L2HGDH: variants seen among roughly 807,000 people sequenced by gnomAD.
L2HGDH encodes the protein L-2-hydroxyglutarate dehydrogenase.
Under a neutral mutation model 51.5 loss-of-function variants are expected in L2HGDH, and 34 were observed. That is an observed-to-expected ratio of 0.66 (90% CI 0.50 to 0.88). The LOEUF is 0.88. L2HGDH is among the 40% of genes least tolerant of loss of function. The pLI is 0.00. For missense variants in L2HGDH, 558 were observed against 571.9 expected (o/e 0.98, Z 0.25); for synonymous variants, 198 against 197.9 (o/e 1.00, Z -0.01).
At chr14:50,295,062 C>T (rs2029952532) in intron 3 of L2HGDH, among the ~76,000 whole-genome samples, 2 of 152,090 alleles carry the variant, frequency 1.3e-5, no homozygotes, top group African/African-American at 4.8e-5. Flanking sequence ...AAAGACAACC[C>T]ACACAATGAG....
In L2HGDH at chr14:50,282,793, G is replaced by A. The variant is rs544911717; in HGVS notation, c.703+1078C>T. Among the ~76,000 whole-genome samples, 4 of 152,150 alleles carry A rather than the reference G, an allele frequency of 2.6e-5. 1 individual carries two copies. The South Asian group carries it at 6.2e-4, about 24-fold the overall frequency. ...ACAGTGGCTCACGCCCGTAATTCTA[G>A]CACTTTGGGAGGTCAAGTGGGCAGA... On this transcript the variant is annotated intron_variant, in intron 5 of 9. Transcript: ENST00000267436.
chr14:50,303,293 G>A (rs1049149030), intron 1 of L2HGDH, among the ~76,000 whole-genome samples: 4 of 151,672 alleles, frequency 2.6e-5, no homozygotes, highest in African/African-American at 9.7e-5. Flanking sequence ...GTGGTGGCGC[G>A]TGCCTGTAGT....
At chr14:50,273,033 C>T (rs190295566) in intron 6 of L2HGDH, among the ~76,000 whole-genome samples, 1 of 152,256 alleles carries the variant, frequency 6.6e-6, no homozygotes, top group East Asian at 1.9e-4. Flanking sequence ...CTGAACATCA[C>T]ACCTAGCTGT....
intron 6 of L2HGDH, among the ~76,000 whole-genome samples, chr14:50,275,536 A>G (rs961528551): frequency 2.0e-5 from 3 of 152,254 alleles, no homozygotes; most frequent in Non-Finnish European, 2.9e-5. Context: ...ACTTCTGATC[A>G]GTGAACTTAT....
intron 5 of L2HGDH, among the ~76,000 whole-genome samples, chr14:50,281,185 G>C (rs1890249829): frequency 6.6e-6 from 1 of 152,156 alleles, no homozygotes; most frequent in African/African-American, 2.4e-5. Flanking sequence ...TTCCTTAGGA[G>C]TGGTAAAGTC....
intron 9 of L2HGDH, among the ~76,000 whole-genome samples, chr14:50,252,850 C>A (rs1190389155): frequency 6.6e-6 from 1 of 152,032 alleles, no homozygotes; most frequent in Non-Finnish European, 1.5e-5. Context: ...GACTTAAACA[C>A]CCCACTTTCA....
chr14:50,288,290 T>C (rs1004497492), intron 4 of L2HGDH, among the ~76,000 whole-genome samples: 8 of 152,224 alleles, frequency 5.3e-5, no homozygotes, highest in Admixed American at 2.6e-4. Flanking sequence ...TTGTTTTGCA[T>C]TGAGCTTCTG....
intron 9 of L2HGDH, among the ~76,000 whole-genome samples, chr14:50,251,325 A>G (rs1238734669): frequency 6.6e-6 from 1 of 152,134 alleles, no homozygotes; most frequent in South Asian, 2.1e-4. Context: ...TAGTCAGATG[A>G]GACAAAAGAA....
At chr14:50,257,176 T>A (rs1174470340) in intron 9 of L2HGDH, among the ~76,000 whole-genome samples, 1 of 152,092 alleles carries the variant, frequency 6.6e-6, no homozygotes, top group Non-Finnish European at 1.5e-5. Flanking sequence ...TAATCCACCC[T>A]CCATGGCCTG....
At chr14:50,289,894 T>C (rs1048739951) in intron 4 of L2HGDH, among the ~76,000 whole-genome samples, 2 of 152,192 alleles carry the variant, frequency 1.3e-5, no homozygotes, top group South Asian at 2.1e-4. Context: ...ATTATACTGC[T>C]CACCTTATGC....
At chr14:50,265,853 G>A (rs1358568157) in intron 8 of L2HGDH, among the ~76,000 whole-genome samples, 2 of 152,166 alleles carry the variant, frequency 1.3e-5, no homozygotes, top group African/African-American at 2.4e-5. Flanking sequence ...GGCAGAGGTT[G>A]CAGTGAGCTG....
In L2HGDH at chr14:50,250,192, G is replaced by A. The variant is rs939975703; in HGVS notation, c.1197-2939C>T. Reference sequence around the variant, plus strand: ...GTTGGGATTACAGGCATGAGCCACCGTGTCTGGCCCAGGCCAACACTCTTG... The same window carrying A: ...GTTGGGATTACAGGCATGAGCCACCATGTCTGGCCCAGGCCAACACTCTTG... On this transcript the variant is annotated intron_variant, in intron 9 of 9. Transcript: ENST00000267436. 1.3e-5 allele frequency among the ~76,000 whole-genome samples: 2 copies of A among 152,312 alleles called. 1 individual carries two copies. Among genetic ancestry groups the A allele is most frequent in the South Asian group, 4.1e-4 (2 of 4,830 alleles).
chr14:50,262,323 GGGAGGC>G (rs1250636868), intron 9 of L2HGDH, among the ~76,000 whole-genome samples: 1 of 151,548 alleles, frequency 6.6e-6, no homozygotes, highest in Non-Finnish European at 1.5e-5. Context: ...CCAGCTACTC[GGGAGGC>G]TGAGGCAGGA....
Position 50,305,409 on chromosome 14 carries a change from A to C in L2HGDH, c.141-2392T>G, listed in dbSNP as rs142206509. On this transcript the variant is annotated intron_variant, in intron 1 of 9. Coordinates refer to ENST00000267436, the MANE Select transcript of L2HGDH (RefSeq NM_024884.3). The stretch of plus-strand genomic sequence containing the variant: ...AATGCCTACAGTGGTCAACTAAAAA[A>C]TTACTAATGTGATCAGAATGTATTT... Among the ~76,000 whole-genome samples the C allele has an allele frequency of 2.4e-4, 36 of 152,364 alleles. No homozygotes were observed. In the East Asian group the frequency reaches 6.2e-3, roughly 26 times the overall value.
Position 50,244,299 on chromosome 14 carries a change from A to G in L2HGDH, c.*2759T>C. ...GTTGAACTAGTTTACAGTCCCACCA[A>G]CAGTGTAAAAGTGTTCCTATTTCTC... is the stretch of plus-strand genomic sequence containing the variant. On this transcript the variant is annotated 3_prime_UTR_variant, in exon 10 of 10. Transcript: ENST00000267436. The G allele has an allele frequency of 1.5e-6, 1 of 676,178 alleles. No individual in the cohort carries two copies. The highest frequency in any genetic ancestry group is 1.8e-6 in the Non-Finnish European group (1 of 547,786). 41.9% of individuals were successfully genotyped at this position (676,178 alleles called of 1,614,324 possible).
intron 5 of L2HGDH, among the ~76,000 whole-genome samples, chr14:50,280,752 G>A (rs140507904): frequency 0.014 from 2,149 of 152,068 alleles, 48 homozygotes; most frequent in African/African-American, 0.049. Context: ...GAGCTCAAGC[G>A]CTCCACCCAC....
At position 50,312,147 on chromosome 14, in the gene L2HGDH, C is replaced by T. The variant is rs757418513; in HGVS notation, c.4G>A (p.Val2Met). Residue 2 changes from valine to methionine, a missense_variant, in exon 1 of 10, where the codon GTG becomes ATG. Around this residue, in one of 3 missense-constraint regions of L2HGDH, gnomAD observed 194 missense variants for 187.2 expected, o/e 1.04. Transcript: ENST00000267436. ...CCAACCAAATAACGCAGCGCTGGCA[C>T]CATCCCCTACGCACGCTCCCCTCCC... Reference protein sequence around the residue: MVPALRYLVGAC... With the variant: MMPALRYLVGAC... 1 of 1,610,046 alleles carries T rather than the reference C, an allele frequency of 6.2e-7. No individual in the cohort carries two copies. Among genetic ancestry groups the T allele is most frequent in the Non-Finnish European group, 8.5e-7 (1 of 1,179,252 alleles).
chr14:50,282,163 A>T (rs1890308154), intron 5 of L2HGDH, among the ~76,000 whole-genome samples: 1 of 152,090 alleles, frequency 6.6e-6, no homozygotes, highest in Admixed American at 6.6e-5. Flanking sequence ...AATTGTCATC[A>T]CTTGGGGGCG....
At chr14:50,302,293 T>A in intron 2 of L2HGDH, 125 bp from the exon 3 acceptor site, 1 of 974,938 alleles carries the variant, frequency 1.0e-6, no homozygotes, top group Non-Finnish European at 1.6e-6. Flanking sequence ...CCTGAATTTG[T>A]TCAGATCACT....
Sources: gnomAD v4.1 joint callset for allele counts (sites outside exome capture counted in the v4.1 genomes callset) on GRCh38, gnomAD v4.1.1 for gene constraint, gnomAD v4.1.1 regional missense constraint, MANE v1.5 for transcripts, NCBI Gene and HGNC (gene_info 2026-07-23, HGNC 2026-07-21) for gene names.